The following CYP27C1 variants were observed in gnomAD, a reference collection of about 807,000 sequenced individuals.
CYP27C1 encodes cytochrome P450 family 27 subfamily C member 1.
CYP27C1 carries 29 observed loss-of-function variants against 40.6 expected under a neutral mutation model. That is an observed-to-expected ratio of 0.71 (90% confidence interval 0.53 to 0.97). The LOEUF is 0.97. Ranked by LOEUF, CYP27C1 falls within the 50% of genes least tolerant of loss-of-function variation. The pLI is 0.00. For synonymous variants in CYP27C1, 198 were observed against 186.8 expected, an observed-to-expected ratio of 1.06 and a Z score of -0.49; for missense variants, 390 against 485.8, an observed-to-expected ratio of 0.80 and a Z score of 1.85.
chr2:127,202,932 G>C (rs1260885114), intron 3 of CYP27C1, among the ~76,000 whole-genome samples: 2 of 152,058 alleles, frequency 1.3e-5, no homozygotes, highest in Non-Finnish European at 2.9e-5. Flanking sequence ...ACTTTGGGAG[G>C]CCAAGGCGGG....
intron 2 of CYP27C1, among the ~76,000 whole-genome samples, chr2:127,204,343 A>AG (rs1178886817): frequency 1.4e-4 from 4 of 28,690 alleles, no homozygotes; most frequent in African/African-American, 5.0e-4. Context: ...GGAGGGAGGG[A>AG]GGAGGGAGGG....
intron 1 of CYP27C1, among the ~76,000 whole-genome samples, chr2:127,212,033 T>C (rs1683348735): frequency 6.6e-6 from 1 of 152,070 alleles, no homozygotes; most frequent in Admixed American, 6.5e-5. Context: ...GAGAATACTA[T>C]AAACACCTCT....
Position 127,201,460 on chromosome 2 carries a change from G to A in CYP27C1, c.674-129C>T. ...TTCATGAATGAGGCATCGTCCCTCT[G>A]AGGATTTCTCTGCATCCTGAACTGC... On this transcript the variant is annotated intron_variant, in intron 3 of 8. Transcript: ENST00000664447. This position sits in a 1 kb window ranked among gnomAD's most constrained non-coding sequence, Gnocchi z 6.0. 1 of 834,834 alleles carries A rather than the reference G, an allele frequency of 1.2e-6. No homozygotes were observed. 51.7% of individuals were successfully genotyped at this position (834,834 alleles called of 1,614,324 possible). A position where few individuals can be genotyped will look rare whatever the true frequency, so the allele number is the denominator to read the frequency against.
At chr2:127,194,965 G>A (rs1682870088) in intron 6 of CYP27C1, among the ~76,000 whole-genome samples, 1 of 151,978 alleles carries the variant, frequency 6.6e-6, no homozygotes. Flanking sequence ...AAGTAGCTGG[G>A]ACTACAGGTG....
chr2:127,203,403 G>T lies in CYP27C1; in HGVS notation c.642C>A (p.Val214=). 1.2e-6 allele frequency: 2 copies of T among 1,613,354 alleles called. No homozygotes were observed. The highest frequency in any genetic ancestry group is 1.7e-6 in the Non-Finnish European group (2 of 1,179,884). Reference sequence around the variant, plus strand: ...TTGAATATTTGAAGAAAAGATCATTGACATTGGTCACGGTTTCTCCATCTT... The same window carrying T: ...TTGAATATTTGAAGAAAAGATCATTTACATTGGTCACGGTTTCTCCATCTT... The part of the protein sequence containing the change: ...QAEDGETVTN[V]NDLFFKYSME... The change falls in exon 3 of 9, where the codon GTC becomes GTA. Residue 214 remains valine, a synonymous_variant. Coordinates refer to ENST00000664447, the MANE Select transcript of CYP27C1 (RefSeq NM_001367502.1).
rs1683486430 is a variant in CYP27C1 at position 127,218,501 on chromosome 2, C to A, written c.282+1488G>T. On this transcript the variant is annotated intron_variant, in intron 1 of 8. Coordinates refer to ENST00000664447, the MANE Select transcript of CYP27C1 (RefSeq NM_001367502.1). The surrounding 1 kb of genome is among the most constrained non-coding windows in gnomAD (Gnocchi z 6.0). ...TTGGAACTGTATAGGGTTGGCGTGG[C>A]GGACTTGAGGAGGGACGGTTGGGAC... is the stretch of plus-strand genomic sequence containing the variant. Among the ~76,000 whole-genome samples, 1 of 151,914 alleles carries A rather than the reference C, an allele frequency of 6.6e-6. No individual in the cohort carries two copies. The highest frequency in any genetic ancestry group is 1.5e-5 in the Non-Finnish European group (1 of 67,968).
rs1248444577 is a variant in CYP27C1, at chr2:127,187,034, T to G, written c.*237A>C. ...ATAAAAATTCACTGCCACTGGTTTT[T>G]AAACAGCTGTTTCCCCCAAAGAAAG... is the stretch of plus-strand genomic sequence containing the variant. On this transcript the variant is annotated 3_prime_UTR_variant, in exon 9 of 9. Transcript: ENST00000664447. 5 of 485,764 alleles carry G rather than the reference T, an allele frequency of 1.0e-5. No individual in the cohort carries two copies. The highest frequency in any genetic ancestry group is 9.6e-5 in the African/African-American group (5 of 52,016). The allele number at this position is 485,764 out of a possible 1,614,324, so 30.1% of individuals were successfully genotyped here.
At position 127,200,990 on chromosome 2, in the gene CYP27C1, G is replaced by A. The variant is rs142632284; in HGVS notation, c.883+132C>T. 2,056 of 929,000 alleles carry A rather than the reference G, an allele frequency of 2.2e-3. 2 individuals are homozygous for A. Among genetic ancestry groups the A allele is most frequent in the Non-Finnish European group, 2.9e-3 (1,798 of 609,970 alleles). 57.5% of individuals were successfully genotyped at this position (929,000 alleles called of 1,614,324 possible). ...AAAAAAAAAAAATCCAAAAGTTATG[G>A]GTCCAAAAACTAACACGTGACTACA... On this transcript the variant is annotated intron_variant, in intron 4 of 8. Transcript: ENST00000664447. The surrounding 1 kb of genome is among the most constrained non-coding windows in gnomAD (Gnocchi z 4.2).
chr2:127,210,259 C>T (rs1683310143), intron 1 of CYP27C1, among the ~76,000 whole-genome samples: 1 of 152,176 alleles, frequency 6.6e-6, no homozygotes, highest in Admixed American at 6.5e-5. Flanking sequence ...TCCAGCCAAA[C>T]TAAGCTTCAT....
Position 127,195,035 on chromosome 2 carries a change from G to A in CYP27C1, c.1214+300C>T, listed in dbSNP as rs1028628499. On this transcript the variant is annotated intron_variant, in intron 6 of 8. Transcript: ENST00000664447. This position sits in a 1 kb window ranked among gnomAD's most constrained non-coding sequence, Gnocchi z 6.2. ...AGTAGAGACGCAGTTTCACCATGTT[G>A]GCCAGGCTGCTCTTGAACTCCTGAC... Among the ~76,000 whole-genome samples the A allele has an allele frequency of 5.3e-5, 8 of 152,026 alleles. No homozygotes were observed. Among genetic ancestry groups the A allele is most frequent in the Admixed American group, 1.3e-4 (2 of 15,264 alleles).
Position 127,190,342 on chromosome 2 carries a change from C to CTTT in CYP27C1, c.1497+2749_1497+2751dup, listed in dbSNP as rs1241035422. 5.0e-3 allele frequency among the ~76,000 whole-genome samples: 480 copies of CTTT among 96,636 alleles called. 15 individuals are homozygous for CTTT. Among genetic ancestry groups the CTTT allele is most frequent in the East Asian group, 0.01 (34 of 3,272 alleles). 63.4% of individuals were successfully genotyped at this position (96,636 alleles called of 152,430 possible). A position where few individuals can be genotyped will look rare whatever the true frequency, so the allele number is the denominator to read the frequency against. On this transcript the variant is annotated intron_variant, in intron 8 of 8. Transcript: ENST00000664447. ...TATTTGTGGCTTCTCTTTTTTTTTT[C>CTTT]TTTTTTTTTTTTTTTTTTGAGACAG...
At chr2:127,203,627 G>T in intron 2 of CYP27C1, 56 bp from the exon 3 acceptor site, 1 of 1,544,396 alleles carries the variant, frequency 6.5e-7, no homozygotes, top group East Asian at 2.3e-5. Flanking sequence ...TTCTGGGAAA[G>T]AATTCAAGGA....
rs1478993090 is a variant in CYP27C1 at position 127,184,111 on chromosome 2, C to CT, written c.*3159dup. ...GAGCTATCTCCAAGAGATAAAGTCT[C>CT]TTTTTTTAAAACATAACTACCATTA... is the stretch of plus-strand genomic sequence containing the variant. On this transcript the variant is annotated 3_prime_UTR_variant, in exon 9 of 9. Transcript: ENST00000664447. 2.0e-5 allele frequency: 3 copies of CT among 152,168 alleles called. No individual in the cohort carries two copies. The highest frequency in any genetic ancestry group is 2.1e-4 in the South Asian group (1 of 4,826). The allele number at this position is 152,168 out of a possible 1,614,324, so 9.4% of individuals were successfully genotyped here.
At chr2:127,207,270 G>C (rs909192721) in intron 1 of CYP27C1, among the ~76,000 whole-genome samples, 2 of 152,140 alleles carry the variant, frequency 1.3e-5, no homozygotes, top group African/African-American at 4.8e-5. Context: ...CAAGGCGAGG[G>C]GATCACCTGG....
Position 127,201,238 on chromosome 2 carries a change from A to G in CYP27C1, c.767T>C (p.Met256Thr), listed in dbSNP as rs751409030. The change falls in exon 4 of 9, where the codon ATG becomes ACG. Residue 256 changes from methionine (M) to threonine (T), a missense_variant. Met to Thr is a moderately conservative substitution (Grantham distance 81). Transcript: ENST00000664447. The surrounding 1 kb of genome is among the most constrained non-coding windows in gnomAD (Gnocchi z 6.0). ...CATGGAGGTCTTGAACATGCTAAAC[A>G]TGAGCTCCAGGGCCTCGATGTATTC... is the stretch of plus-strand genomic sequence containing the variant. The part of the protein sequence containing the change: ...TVEYIEALEL[M>T]FSMFKTSMYA... The G allele has an allele frequency of 1.2e-5, 20 of 1,613,088 alleles. No homozygotes were observed. The highest frequency in any genetic ancestry group is 2.7e-5 in the African/African-American group (2 of 74,838).
rs536585299 is a variant in CYP27C1, at chr2:127,203,190, A to G, written c.673+182T>C. Among the ~76,000 whole-genome samples, 13 of 150,312 alleles carry G rather than the reference A, an allele frequency of 8.6e-5. No individual in the cohort carries two copies. The South Asian group carries it at 2.7e-3, about 32-fold the overall frequency. ...CTCAGAAAAAAAAAAAAAAAGTCTC[A>G]GTTTCCTCATTGGTCAACGGTGGTT... is the stretch of plus-strand genomic sequence containing the variant. On this transcript the variant is annotated intron_variant, in intron 3 of 8. Coordinates refer to ENST00000664447, the MANE Select transcript of CYP27C1 (RefSeq NM_001367502.1).
intron 1 of CYP27C1, among the ~76,000 whole-genome samples, chr2:127,211,369 G>GTTTTTTTTTTTTTTTTTTTTTTTTTT (rs371826841): frequency 1.1e-5 from 1 of 94,940 alleles, no homozygotes; most frequent in African/African-American, 4.3e-5. Context: ...GTGTTTTTTT[G>GTTTTTTTTTTTTTTTTTTTTTTTTTT]TTTTTTTTTT....
rs1683035530 is a variant in CYP27C1 at position 127,201,520 on chromosome 2, G to A, written c.674-189C>T. ...GCATTTAGGGCTGACAGGTGGTGCT[G>A]TTGCTGCTTCACCTAAGGAGCCCCA... On this transcript the variant is annotated intron_variant, in intron 3 of 8. Coordinates refer to ENST00000664447, the MANE Select transcript of CYP27C1 (RefSeq NM_001367502.1). This position sits in a 1 kb window ranked among gnomAD's most constrained non-coding sequence, Gnocchi z 6.0. 6.6e-6 allele frequency among the ~76,000 whole-genome samples: 1 copy of A among 152,188 alleles called. No homozygotes were observed. The highest frequency in any genetic ancestry group is 2.4e-5 in the African/African-American group (1 of 41,452).
chr2:127,210,115 A>G (rs1683307873), intron 1 of CYP27C1, among the ~76,000 whole-genome samples: 1 of 152,230 alleles, frequency 6.6e-6, no homozygotes, highest in Non-Finnish European at 1.5e-5. Context: ...GCAGCCACAG[A>G]GGAAGGCCAG....
Sources: gnomAD v4.1 joint callset for allele counts (sites outside exome capture counted in the v4.1 genomes callset) on GRCh38, gnomAD v4.1.1 for gene constraint, Gnocchi (gnomAD v3.1) non-coding constraint, MANE v1.5 for transcripts, NCBI Gene and HGNC (gene_info 2026-07-23, HGNC 2026-07-21) for gene names.